The following LYPD6 variants were observed in gnomAD, a reference collection of about 807,000 sequenced individuals.
LYPD6 encodes the protein LY6/PLAUR domain containing 6.
LYPD6 carries 15 observed loss-of-function variants against 22.7 expected under a neutral mutation model. The observed-to-expected ratio is 0.66, with a 90% CI of 0.44 to 1.02. The LOEUF is 1.02. Among genes scored for constraint, LYPD6 ranks in the 50% least tolerant of loss-of-function variants. LYPD6 has a pLI of 0.00. For missense variants in LYPD6, 189 were observed against 208.4 expected (o/e 0.91, Z 0.57); for synonymous variants, 72 against 77.5 (o/e 0.93, Z 0.37).
At chr2:149,340,507 G>A (rs2105048403) in intron 1 of LYPD6, among the ~76,000 whole-genome samples, 1 of 152,250 alleles carries the variant, frequency 6.6e-6, no homozygotes, top group Non-Finnish European at 1.5e-5. Context: ...GGGCTCTCCT[G>A]TAGTGTAATT....
intron 1 of LYPD6, among the ~76,000 whole-genome samples, chr2:149,376,022 G>A (rs1681913348): frequency 6.6e-6 from 1 of 152,204 alleles, no homozygotes; most frequent in African/African-American, 2.4e-5. Context: ...TGGAGATAGT[G>A]AACGCACCTA....
In LYPD6 at chr2:149,404,388, T is replaced by G. The variant is rs182739766; in HGVS notation, c.-71-33250T>G. Among the ~76,000 whole-genome samples, 80 of 152,334 alleles carry G rather than the reference T, an allele frequency of 5.3e-4. 2 individuals are homozygous for G. The East Asian group carries it at 0.015, about 28-fold the overall frequency. ...GAGCATGGAATGTTCTTCCATTTGTTTGTATCCTCTTTTACTTCATTGAGC... is the reference window on the plus strand; with the variant it reads ...GAGCATGGAATGTTCTTCCATTTGTGTGTATCCTCTTTTACTTCATTGAGC... On this transcript the variant is annotated intron_variant, in intron 1 of 4. Transcript: ENST00000334166.
At chr2:149,334,479 A>G (rs1680996801) in intron 1 of LYPD6, among the ~76,000 whole-genome samples, 1 of 152,234 alleles carries the variant, frequency 6.6e-6, no homozygotes, top group African/African-American at 2.4e-5. Flanking sequence ...TAATAGATCA[A>G]GAAGTGGCAA....
intron 1 of LYPD6, among the ~76,000 whole-genome samples, chr2:149,422,582 C>A (rs1469523192): frequency 6.6e-6 from 1 of 152,124 alleles, no homozygotes; most frequent in African/African-American, 2.4e-5. Flanking sequence ...TCAATCACTT[C>A]ACATACTTAA....
chr2:149,411,959 G>A (rs1426375354), intron 1 of LYPD6, among the ~76,000 whole-genome samples: 1 of 152,024 alleles, frequency 6.6e-6, no homozygotes, highest in Non-Finnish European at 1.5e-5. Flanking sequence ...TCGTAATATA[G>A]CATATGGTCT....
chr2:149,461,716 G>A (rs970422966), intron 3 of LYPD6, among the ~76,000 whole-genome samples: 1 of 151,852 alleles, frequency 6.6e-6, no homozygotes, highest in Non-Finnish European at 1.5e-5. Context: ...TGACAAAGTG[G>A]GGCTTAGTCC....
chr2:149,378,225 C>T (rs1178921088), intron 1 of LYPD6, among the ~76,000 whole-genome samples: 1 of 152,150 alleles, frequency 6.6e-6, no homozygotes, highest in East Asian at 1.9e-4. Context: ...TTAGGTGATC[C>T]TCCCACCTCA....
the LYPD6 span, among the ~76,000 whole-genome samples, chr2:149,485,743 A>T: frequency 1.3e-5 from 2 of 152,180 alleles, no homozygotes; most frequent in Admixed American, 6.5e-5. Context: ...GCATTTTAAG[A>T]TAATTTCATT....
chr2:149,341,106 T>A (rs1681152110), intron 1 of LYPD6, among the ~76,000 whole-genome samples: 1 of 152,206 alleles, frequency 6.6e-6, no homozygotes, highest in Non-Finnish European at 1.5e-5. Flanking sequence ...ACATGGTTTT[T>A]CTTTTATGTA....
intron 2 of LYPD6, among the ~76,000 whole-genome samples, chr2:149,447,616 A>G (rs1015505000): frequency 3.3e-5 from 5 of 152,232 alleles, no homozygotes; most frequent in African/African-American, 1.2e-4. Flanking sequence ...TAATGACATC[A>G]GGTCTGAACA....
At chr2:149,445,259 G>T (rs867635561) in intron 2 of LYPD6, among the ~76,000 whole-genome samples, 1 of 152,166 alleles carries the variant, frequency 6.6e-6, no homozygotes, top group Non-Finnish European at 1.5e-5. Context: ...AGGCTTTGTT[G>T]TTCCATTTAT....
At chr2:149,468,200 G>A (rs934612409) in intron 3 of LYPD6, among the ~76,000 whole-genome samples, 6 of 135,108 alleles carry the variant, frequency 4.4e-5, no homozygotes, top group Admixed American at 1.5e-4. Context: ...AGCCACTGCT[G>A]TAGTGTTTTA....
At chr2:149,388,924 C>G (rs1030446216) in intron 1 of LYPD6, among the ~76,000 whole-genome samples, 8 of 152,166 alleles carry the variant, frequency 5.3e-5, no homozygotes, top group Non-Finnish European at 1.2e-4. Context: ...CACATTGGCT[C>G]TCCTTTCCTG....
At chr2:149,484,094 G>A in the LYPD6 span, among the ~76,000 whole-genome samples, 1 of 152,234 alleles carries the variant, frequency 6.6e-6, no homozygotes, top group Admixed American at 6.5e-5. Flanking sequence ...TAATAGATTT[G>A]TGTATGGGTT....
chr2:149,469,799 T>G (rs1681289451), intron 4 of LYPD6, among the ~76,000 whole-genome samples: 1 of 152,098 alleles, frequency 6.6e-6, no homozygotes, highest in African/African-American at 2.4e-5. Flanking sequence ...AGCTGGTAAG[T>G]GACAGGCACA....
intron 1 of LYPD6, among the ~76,000 whole-genome samples, chr2:149,399,353 G>T (rs532256631): frequency 1.3e-5 from 2 of 152,206 alleles, no homozygotes; most frequent in Non-Finnish European, 1.5e-5. Flanking sequence ...AGTTATAATT[G>T]TTCATAGTAC....
intron 3 of LYPD6, among the ~76,000 whole-genome samples, chr2:149,468,164 C>A (rs1236372879): frequency 6.8e-6 from 1 of 147,340 alleles, no homozygotes. Context: ...CACACACACA[C>A]ACACACACAC....
intron 3 of LYPD6, among the ~76,000 whole-genome samples, chr2:149,463,919 G>A (rs1681141796): frequency 6.6e-6 from 1 of 151,922 alleles, no homozygotes; most frequent in Non-Finnish European, 1.5e-5. Context: ...TCAACATGAG[G>A]GATCCTTATG....
intron 2 of LYPD6, among the ~76,000 whole-genome samples, chr2:149,443,901 G>A (rs1683622592): frequency 6.7e-6 from 1 of 149,864 alleles, no homozygotes; most frequent in South Asian, 2.1e-4. Context: ...GTGTGGAATA[G>A]CATTATGTCT....
Sources: allele counts gnomAD v4.1 joint callset (sites outside exome capture counted in the v4.1 genomes callset), GRCh38; gene constraint gnomAD v4.1.1; transcripts MANE v1.5; gene names NCBI Gene and HGNC (gene_info 2026-07-23, HGNC 2026-07-21).